The following CDH18 variants were observed in gnomAD, a reference collection of about 807,000 sequenced individuals.
CDH18 encodes the protein cadherin 18, also known as cadherin-18.
Under a neutral mutation model 67.9 loss-of-function variants are expected in CDH18, and 31 were observed. The ratio of observed to expected loss-of-function variants is 0.46; its 90% CI spans 0.34 to 0.62. The LOEUF is 0.62. Ranked by LOEUF, CDH18 falls within the 20% of genes least tolerant of loss-of-function variation. The pLI is 0.01. For missense variants in CDH18, 890 were observed against 975.5 expected (o/e 0.91, Z 1.17); for synonymous variants, 362 against 347.2 (o/e 1.04, Z -0.48).
chr5:20,525,971 T>TTGGGGGAGGGCAGGCTGCGGGC (rs1756029119), intron 1 of CDH18, among the ~76,000 whole-genome samples: 1 of 151,296 alleles, frequency 6.6e-6, no homozygotes, highest in African/African-American at 2.5e-5. Context: ...ACAATGAGAG[T>TTGGGGGAGGGCAGGCTGCGGGC]AGCAAAAGAA....
chr5:19,909,299 AC>A (rs1325322873), intron 2 of CDH18, among the ~76,000 whole-genome samples: 175 of 109,760 alleles, frequency 1.6e-3, no homozygotes, highest in African/African-American at 6.0e-3. Context: ...GGTTTCCTTC[AC>A]TTTTTTTTTT....
At chr5:20,524,786 C>T (rs544618020) in intron 1 of CDH18, among the ~76,000 whole-genome samples, 67 of 152,256 alleles carry the variant, frequency 4.4e-4, no homozygotes, top group African/African-American at 1.5e-3. Context: ...AAAAACCAAG[C>T]CCTGAGGTCT....
chr5:20,030,952 T>C (rs1049779864), intron 2 of CDH18, among the ~76,000 whole-genome samples: 2 of 152,114 alleles, frequency 1.3e-5, no homozygotes, highest in African/African-American at 4.8e-5. Context: ...ACTATTTAAA[T>C]AGAAAATGTA....
At chr5:20,300,389 C>T (rs1747880855) in intron 1 of CDH18, among the ~76,000 whole-genome samples, 1 of 151,818 alleles carries the variant, frequency 6.6e-6, no homozygotes, top group Admixed American at 6.6e-5. Flanking sequence ...GTTTTTCCTG[C>T]TGTCTGTCTC....
intron 1 of CDH18, among the ~76,000 whole-genome samples, chr5:20,492,972 A>G (rs1753676851): frequency 2.0e-5 from 3 of 152,108 alleles, no homozygotes; most frequent in Admixed American, 2.0e-4. Context: ...CTTGAAACAG[A>G]CTCTAGTAGA....
At chr5:20,216,145 T>C (rs1463404325) in intron 2 of CDH18, among the ~76,000 whole-genome samples, 1 of 151,730 alleles carries the variant, frequency 6.6e-6, no homozygotes, top group Non-Finnish European at 1.5e-5. Context: ...AAAAATCCAA[T>C]TGCAGTAGTA....
At chr5:20,172,224 G>GTATATATATATGTA (rs1736855685) in intron 2 of CDH18, among the ~76,000 whole-genome samples, 4 of 19,530 alleles carry the variant, frequency 2.0e-4, no homozygotes, top group African/African-American at 7.1e-4. Context: ...ATATATATAT[G>GTATATATATATGTA]TATATATATA....
intron 1 of CDH18, among the ~76,000 whole-genome samples, chr5:20,433,986 A>G (rs1748971948): frequency 6.6e-6 from 1 of 152,092 alleles, no homozygotes; most frequent in Non-Finnish European, 1.5e-5. Context: ...AGTAAATTCA[A>G]ACCATTGAGT....
intron 9 of CDH18, among the ~76,000 whole-genome samples, chr5:19,528,577 G>A (rs1366585608): frequency 1.3e-5 from 2 of 151,716 alleles, no homozygotes; most frequent in Admixed American, 6.6e-5. Flanking sequence ...TCTCAATGTA[G>A]GAGTATGGAC....
At chr5:20,368,738 C>T (rs907205700) in intron 1 of CDH18, among the ~76,000 whole-genome samples, 4 of 152,100 alleles carry the variant, frequency 2.6e-5, no homozygotes, top group Admixed American at 2.6e-4. Context: ...CATTAGAGCA[C>T]ACAAAGCCCC....
chr5:20,149,023 C>A (rs1750887443), intron 2 of CDH18, among the ~76,000 whole-genome samples: 1 of 152,094 alleles, frequency 6.6e-6, no homozygotes, highest in South Asian at 2.1e-4. Flanking sequence ...ATTTGGACAG[C>A]TAATCTCCTG....
chr5:19,541,566 T>C (rs1422437682), intron 9 of CDH18, among the ~76,000 whole-genome samples: 1 of 152,188 alleles, frequency 6.6e-6, no homozygotes, highest in East Asian at 1.9e-4. Context: ...TAGTTTCACA[T>C]GGCTGGGAAG....
chr5:19,901,306 T>C (rs1361078746), intron 2 of CDH18, among the ~76,000 whole-genome samples: 1 of 152,138 alleles, frequency 6.6e-6, no homozygotes, highest in Non-Finnish European at 1.5e-5. Flanking sequence ...TTATAAATTT[T>C]AACATCAGTA....
intron 3 of CDH18, among the ~76,000 whole-genome samples, chr5:19,754,848 C>T (rs1162497255): frequency 4.6e-5 from 7 of 152,106 alleles, no homozygotes; most frequent in Admixed American, 4.6e-4. Context: ...TGGAAATCAA[C>T]TTCAAAAGGA....
Position 19,987,952 on chromosome 5 carries a change from C to A in CDH18, c.-376+134G>T, listed in dbSNP as rs576813355. ...TAGCTACAACTTTCCCCTCAGCCCT[C>A]GATCCTGTGAAACCCATCGGAGATG... On this transcript the variant is annotated intron_variant, in intron 1 of 12. Coordinates refer to ENST00000382275, the MANE Select transcript of CDH18 (RefSeq NM_004934.5). 2.6e-5 allele frequency: 4 copies of A among 152,328 alleles called. No individual in the cohort carries two copies. In the South Asian group the frequency reaches 8.3e-4, roughly 32 times the overall value. 9.4% of individuals were successfully genotyped at this position (152,328 alleles called of 1,614,324 possible).
chr5:19,675,194 C>T lies in CDH18; in HGVS notation c.643+46153G>A, dbSNP rs1759304856. Among the ~76,000 whole-genome samples, 4 of 151,966 alleles carry T rather than the reference C, an allele frequency of 2.6e-5. No individual in the cohort carries two copies. The South Asian group carries it at 8.3e-4, about 32-fold the overall frequency. ...TGCTTCACAAGGTAATAAAATATCACAAGGCAAATGGAGGCAGGGCAAGAT... is the reference window on the plus strand; with the variant it reads ...TGCTTCACAAGGTAATAAAATATCATAAGGCAAATGGAGGCAGGGCAAGAT... On this transcript the variant is annotated intron_variant, in intron 5 of 12. Coordinates refer to ENST00000382275, the MANE Select transcript of CDH18 (RefSeq NM_004934.5).
At chr5:19,861,880 T>C (rs1417718556) in intron 2 of CDH18, among the ~76,000 whole-genome samples, 2 of 152,180 alleles carry the variant, frequency 1.3e-5, no homozygotes, top group East Asian at 3.9e-4. Context: ...GCTATTTGAC[T>C]GGGTATTGAA....
intron 5 of CDH18, among the ~76,000 whole-genome samples, chr5:19,686,982 A>G (rs1761183285): frequency 6.6e-6 from 1 of 152,222 alleles, no homozygotes; most frequent in South Asian, 2.1e-4. Context: ...TGACAAGTGG[A>G]TGATCACTTT....
At chr5:19,897,593 T>C (rs1444375252) in intron 2 of CDH18, among the ~76,000 whole-genome samples, 1 of 152,066 alleles carries the variant, frequency 6.6e-6, no homozygotes. Flanking sequence ...AATAAGTACA[T>C]ATATTTTTCC....
Sources: gnomAD v4.1 joint callset for allele counts (sites outside exome capture counted in the v4.1 genomes callset) on GRCh38, gnomAD v4.1.1 for gene constraint, MANE v1.5 for transcripts, NCBI Gene and HGNC (gene_info 2026-07-23, HGNC 2026-07-21) for gene names.